The following MAN1C1 variants were observed in gnomAD, a reference collection of about 807,000 sequenced individuals.
MAN1C1 encodes the protein mannosidase alpha class 1C member 1, also known as mannosyl-oligosaccharide 1,2-alpha-mannosidase IC.
Under a neutral mutation model 71.5 loss-of-function variants are expected in MAN1C1, and 49 were observed. That is an observed-to-expected ratio of 0.69 (90% CI 0.54 to 0.87). MAN1C1 has a LOEUF of 0.87. Ranked by LOEUF, MAN1C1 falls within the 40% of genes least tolerant of loss-of-function variation. MAN1C1 has a pLI of 0.00. For missense variants in MAN1C1, 743 were observed against 835.0 expected, an observed-to-expected ratio of 0.89 and a Z score of 1.36; for synonymous variants, 352 against 343.7, an observed-to-expected ratio of 1.02 and a Z score of -0.27.
intron 2 of MAN1C1, among the ~76,000 whole-genome samples, chr1:25,733,276 G>C (rs895157880): frequency 1.3e-5 from 2 of 152,030 alleles, no homozygotes; most frequent in Non-Finnish European, 2.9e-5. Context: ...AGTCCCGTTG[G>C]GCCCAGCCAC....
chr1:25,676,919 TG>T (rs1181533881), intron 1 of MAN1C1, among the ~76,000 whole-genome samples: 1 of 152,170 alleles, frequency 6.6e-6, no homozygotes, highest in Non-Finnish European at 1.5e-5. Flanking sequence ...TTTTCCACTC[TG>T]GGAGTGGTCT....
intron 2 of MAN1C1, among the ~76,000 whole-genome samples, chr1:25,728,785 G>A (rs1482027482): frequency 1.3e-5 from 2 of 152,178 alleles, no homozygotes; most frequent in African/African-American, 4.8e-5. Flanking sequence ...CTGCCTGGGC[G>A]GCTATTTCCC....
rs980319027 is a variant in MAN1C1 at position 25,631,139 on chromosome 1, T to C, written c.540+12802T>C. Among the ~76,000 whole-genome samples, 4 of 152,146 alleles carry C rather than the reference T, an allele frequency of 2.6e-5. No homozygotes were observed. Among genetic ancestry groups the C allele is most frequent in the Admixed American group, 1.3e-4 (2 of 15,280 alleles). ...ACCACCACGCCTGGTTAATTTTTTT[T>C]GTATTTTTAGAAGAGACGGGGTTTT... On this transcript the variant is annotated intron_variant, in intron 1 of 11. Coordinates refer to ENST00000374332, the MANE Select transcript of MAN1C1 (RefSeq NM_020379.4). The surrounding 1 kb of genome is among the most constrained non-coding windows in gnomAD (Gnocchi z 4.2).
chr1:25,644,461 T>C lies in MAN1C1; in HGVS notation c.540+26124T>C, dbSNP rs1572115898. 3 of 145,226 alleles carry C rather than the reference T, an allele frequency of 2.1e-5. 1 individual carries two copies. The South Asian group carries it at 6.5e-4, about 31-fold the overall frequency. 9.0% of individuals were successfully genotyped at this position (145,226 alleles called of 1,614,324 possible). A position where few individuals can be genotyped will look rare whatever the true frequency, so the allele number is the denominator to read the frequency against. On this transcript the variant is annotated intron_variant, in intron 1 of 11. Transcript: ENST00000374332. ...CACATCTAATGGGTTGTTGGAAATATGGGCTTAGGACTGATTGGGGTAATG... is the reference window on the plus strand; with the variant it reads ...CACATCTAATGGGTTGTTGGAAATACGGGCTTAGGACTGATTGGGGTAATG...
chr1:25,724,856 A>G (rs1258801722), intron 2 of MAN1C1, among the ~76,000 whole-genome samples: 1 of 152,222 alleles, frequency 6.6e-6, no homozygotes, highest in East Asian at 1.9e-4. Context: ...GCCCATCTCT[A>G]AAACAATCAG....
chr1:25,768,055 C>T, intron 7 of MAN1C1, among the ~76,000 whole-genome samples: 2 of 75,938 alleles, frequency 2.6e-5, no homozygotes, highest in Non-Finnish European at 2.3e-5. Flanking sequence ...CATCCACACT[C>T]CCCTCACACA....
intron 2 of MAN1C1, among the ~76,000 whole-genome samples, chr1:25,702,156 T>G (rs2046453595): frequency 6.6e-6 from 1 of 152,136 alleles, no homozygotes; most frequent in African/African-American, 2.4e-5. Flanking sequence ...AGGAGGCTAA[T>G]GCATGACGAT....
intron 2 of MAN1C1, among the ~76,000 whole-genome samples, chr1:25,741,708 G>A (rs1243343750): frequency 6.6e-6 from 1 of 152,178 alleles, no homozygotes; most frequent in Non-Finnish European, 1.5e-5. Context: ...ACAGAAGAAG[G>A]GCTCTAAGCC....
At chr1:25,679,041 G>A (rs2046108678) in intron 1 of MAN1C1, among the ~76,000 whole-genome samples, 1 of 151,598 alleles carries the variant, frequency 6.6e-6, no homozygotes, top group African/African-American at 2.4e-5. Flanking sequence ...GAGAGAGAGA[G>A]ATGAGACAAG....
chr1:25,637,346 CTT>C (rs2045477254), intron 1 of MAN1C1, among the ~76,000 whole-genome samples: 1 of 152,022 alleles, frequency 6.6e-6, no homozygotes, highest in African/African-American at 2.4e-5. Flanking sequence ...GATAGGGACT[CTT>C]TGATTTGGGA....
At chr1:25,765,589 A>G (rs980530717) in intron 7 of MAN1C1, among the ~76,000 whole-genome samples, 3 of 152,246 alleles carry the variant, frequency 2.0e-5, no homozygotes, top group African/African-American at 7.2e-5. Context: ...GCAAAATGAA[A>G]GAAGAGAATG....
intron 1 of MAN1C1, among the ~76,000 whole-genome samples, chr1:25,637,663 A>G (rs1181479977): frequency 6.6e-6 from 1 of 152,054 alleles, no homozygotes; most frequent in Non-Finnish European, 1.5e-5. Context: ...TCCAACTCTA[A>G]TTATGGATTT....
chr1:25,705,007 T>C (rs927065393), intron 2 of MAN1C1, among the ~76,000 whole-genome samples: 1 of 152,222 alleles, frequency 6.6e-6, no homozygotes, highest in Non-Finnish European at 1.5e-5. Flanking sequence ...CTCTTCTCAG[T>C]TGGAGAGTGA....
At chr1:25,723,925 C>T (rs751176611) in intron 2 of MAN1C1, among the ~76,000 whole-genome samples, 9 of 152,022 alleles carry the variant, frequency 5.9e-5, no homozygotes, top group Non-Finnish European at 1.3e-4. Flanking sequence ...CAGTTACAAA[C>T]AACCACAGAC....
intron 7 of MAN1C1, among the ~76,000 whole-genome samples, chr1:25,770,864 TGGTTTGTTC>T (rs1032517955): frequency 4.0e-5 from 6 of 151,554 alleles, no homozygotes; most frequent in African/African-American, 1.2e-4. Flanking sequence ...AACACAGAAC[TGGTTTGTTC>T]TTTGTTAAAT....
intron 2 of MAN1C1, among the ~76,000 whole-genome samples, chr1:25,721,014 T>C (rs1219145003): frequency 6.6e-6 from 1 of 152,224 alleles, no homozygotes; most frequent in Non-Finnish European, 1.5e-5. Flanking sequence ...CTCGATTTCA[T>C]TGATCTATGT....
At chr1:25,717,126 G>A (rs1019108668) in intron 2 of MAN1C1, among the ~76,000 whole-genome samples, 1 of 152,184 alleles carries the variant, frequency 6.6e-6, no homozygotes, top group Non-Finnish European at 1.5e-5. Context: ...ACATTCACAA[G>A]CAGTTTTCAT....
chr1:25,657,523 T>C (rs947263382), intron 1 of MAN1C1, among the ~76,000 whole-genome samples: 1 of 152,254 alleles, frequency 6.6e-6, no homozygotes, highest in Non-Finnish European at 1.5e-5. Flanking sequence ...CTCATTATTC[T>C]TTAGCAAGAA....
intron 2 of MAN1C1, among the ~76,000 whole-genome samples, chr1:25,690,928 T>C (rs757901792): frequency 5.9e-5 from 9 of 152,140 alleles, no homozygotes; most frequent in Non-Finnish European, 1.2e-4. Flanking sequence ...GTAAAGTGGC[T>C]CAGTACCCTG....
Sources: allele counts gnomAD v4.1 joint callset (sites outside exome capture counted in the v4.1 genomes callset), GRCh38; gene constraint gnomAD v4.1.1; non-coding constraint Gnocchi (gnomAD v3.1); transcripts MANE v1.5; gene names NCBI Gene and HGNC (gene_info 2026-07-23, HGNC 2026-07-21).